The following COLGALT2 variants were observed in gnomAD, a reference collection of about 807,000 sequenced individuals.
COLGALT2 encodes the protein procollagen galactosyltransferase 2.
In COLGALT2, 49 loss-of-function variants were observed where a neutral mutation model predicts 73.4. That is an observed-to-expected ratio of 0.67 (90% CI 0.53 to 0.85). COLGALT2 has a LOEUF of 0.85. COLGALT2 is among the 40% of genes least tolerant of loss of function. The pLI, the probability that COLGALT2 is intolerant of heterozygous loss-of-function variation, is 0.00. For missense variants in COLGALT2, 722 were observed against 790.2 expected, an observed-to-expected ratio of 0.91 and a Z score of 1.03; for synonymous variants, 295 against 307.6, an observed-to-expected ratio of 0.96 and a Z score of 0.43.
intron 11 of COLGALT2, among the ~76,000 whole-genome samples, chr1:183,940,163 C>A (rs920051077): frequency 6.6e-5 from 10 of 152,132 alleles, no homozygotes; most frequent in African/African-American, 2.4e-4. Context: ...GGTTCCTGAC[C>A]AGATTGTGAG....
intron 6 of COLGALT2, among the ~76,000 whole-genome samples, chr1:183,955,905 C>CCCCAG (rs1442737532): frequency 6.6e-6 from 1 of 152,156 alleles, no homozygotes; most frequent in Non-Finnish European, 1.5e-5. Flanking sequence ...GGCTATATGA[C>CCCCAG]TTTCTGGGGA....
intron 5 of COLGALT2, among the ~76,000 whole-genome samples, chr1:183,966,850 A>T (rs1015523187): frequency 6.6e-6 from 1 of 152,182 alleles, no homozygotes; most frequent in African/African-American, 2.4e-5. Context: ...AGCCCTGCTC[A>T]CCAGCACACT....
intron 5 of COLGALT2, among the ~76,000 whole-genome samples, chr1:183,965,759 AAAG>A (rs1670849927): frequency 6.6e-6 from 1 of 151,002 alleles, no homozygotes; most frequent in Admixed American, 6.6e-5. Flanking sequence ...ACTAAGCAAA[AAAG>A]GCAATTATTA....
In COLGALT2 at chr1:183,975,231, A is replaced by G. The variant is rs114831015; in HGVS notation, c.375-17T>C. On this transcript the variant is annotated splice_polypyrimidine_tract_variant and intron_variant, in intron 2 of 11. Coordinates refer to ENST00000361927, the MANE Select transcript of COLGALT2 (RefSeq NM_015101.4). Reference sequence around the variant, plus strand: ...GGGTAAGACCTAAAATAATAATAATAGCTCATCATTATTGAGTGCCTACAT... The same window carrying G: ...GGGTAAGACCTAAAATAATAATAATGGCTCATCATTATTGAGTGCCTACAT... 1.9e-3 allele frequency: 2,923 copies of G among 1,504,658 alleles called. 57 individuals are homozygous for G. In the African/African-American group the frequency reaches 0.035, roughly 18 times the overall value. The allele number at this position is 1,504,658 out of a possible 1,614,324, so 93.2% of individuals were successfully genotyped here. A position where few individuals can be genotyped will look rare whatever the true frequency, so the allele number is the denominator to read the frequency against.
intron 1 of COLGALT2, among the ~76,000 whole-genome samples, chr1:183,985,451 T>C (rs940450771): frequency 6.6e-6 from 1 of 152,174 alleles, no homozygotes; most frequent in Non-Finnish European, 1.5e-5. Flanking sequence ...TTTGTATTTT[T>C]AGTAGAGATG....
At chr1:184,030,379 T>G (rs374024926) in intron 1 of COLGALT2, among the ~76,000 whole-genome samples, 1 of 152,222 alleles carries the variant, frequency 6.6e-6, no homozygotes, top group African/African-American at 2.4e-5. Context: ...ATAGGTGTAG[T>G]GGCCATACCA....
Position 183,937,137 on chromosome 1 carries a change from C to T in COLGALT2, c.*1624G>A. The T allele has an allele frequency of 2.4e-6, 3 of 1,229,466 alleles. No homozygotes were observed. The highest frequency in any genetic ancestry group is 3.2e-5 in the East Asian group (1 of 31,616). The allele number at this position is 1,229,466 out of a possible 1,614,324, so 76.2% of individuals were successfully genotyped here. ...GTACACTAAGCTTGTGTATGTAGCACCACCCGCCTGTGGACTCTGCTCTGA... is the reference window on the plus strand; with the variant it reads ...GTACACTAAGCTTGTGTATGTAGCATCACCCGCCTGTGGACTCTGCTCTGA... On this transcript the variant is annotated 3_prime_UTR_variant, in exon 12 of 12. Transcript: ENST00000361927.
intron 1 of COLGALT2, among the ~76,000 whole-genome samples, chr1:183,979,509 T>C (rs1368425078): frequency 6.6e-6 from 1 of 152,090 alleles, no homozygotes; most frequent in Non-Finnish European, 1.5e-5. Flanking sequence ...TTTCAAGCGA[T>C]AGATAGTAAA....
Position 184,037,464 on chromosome 1 carries a change from G to C in COLGALT2, c.-107C>G. 1 of 1,205,630 alleles carries C rather than the reference G, an allele frequency of 8.3e-7. No homozygotes were observed. Among genetic ancestry groups the C allele is most frequent in the Non-Finnish European group, 1.0e-6 (1 of 972,630 alleles). 74.7% of individuals were successfully genotyped at this position (1,205,630 alleles called of 1,614,324 possible). A position where few individuals can be genotyped will look rare whatever the true frequency, so the allele number is the denominator to read the frequency against. ...GAGCAAGGGGCTGCGAGGGGCGGCCGGGGGATGCGGCTTGCCGCGGCCGGC... is the reference window on the plus strand; with the variant it reads ...GAGCAAGGGGCTGCGAGGGGCGGCCCGGGGATGCGGCTTGCCGCGGCCGGC... On this transcript the variant is annotated 5_prime_UTR_variant, in exon 1 of 12. Transcript: ENST00000361927.
chr1:183,934,782 G>T (rs955219433), downstream of COLGALT2, among the ~76,000 whole-genome samples: 1 of 152,166 alleles, frequency 6.6e-6, no homozygotes, highest in Non-Finnish European at 1.5e-5. Context: ...AAAACCATAA[G>T]ATTCCCAAAT....
intron 1 of COLGALT2, among the ~76,000 whole-genome samples, chr1:184,006,623 TAAA>T (rs1553322151): frequency 6.6e-6 from 1 of 151,064 alleles, no homozygotes; most frequent in Non-Finnish European, 1.5e-5. Flanking sequence ...ATAATAATAA[TAAA>T]AAGATTATGA....
At chr1:184,002,805 A>T (rs1034163581) in intron 1 of COLGALT2, among the ~76,000 whole-genome samples, 2 of 152,218 alleles carry the variant, frequency 1.3e-5, no homozygotes, top group Non-Finnish European at 2.9e-5. Context: ...GATGCAAAAG[A>T]CTGGGCTTAA....
chr1:184,016,092 A>G (rs530989780), intron 1 of COLGALT2, among the ~76,000 whole-genome samples: 1 of 152,356 alleles, frequency 6.6e-6, no homozygotes, highest in South Asian at 2.1e-4. Context: ...ATGTGACAGA[A>G]TGAGTTTTTC....
intron 3 of COLGALT2, 56 bp from the exon 4 acceptor site, chr1:183,973,806 G>A: frequency 6.4e-7 from 1 of 1,554,420 alleles, no homozygotes. Context: ...TAATGAGTTT[G>A]AGAATAACCC....
chr1:183,969,179 G>GTT (rs10667502), intron 5 of COLGALT2, 90 bp downstream of exon 5: 358,096 of 1,019,394 alleles, frequency 0.35, 37,207 homozygotes, highest in East Asian at 0.5. Context: ...ACATATGAGG[G>GTT]TTTTTTTTTT....
chr1:183,983,515 A>G (rs1671408898), intron 1 of COLGALT2, among the ~76,000 whole-genome samples: 2 of 152,258 alleles, frequency 1.3e-5, no homozygotes, highest in African/African-American at 4.8e-5. Flanking sequence ...AGAGAGAGAT[A>G]CCAAAGGCCC....
intron 1 of COLGALT2, among the ~76,000 whole-genome samples, chr1:183,980,396 A>T (rs2986560): frequency 0.63 from 95,652 of 151,888 alleles, 32,106 homozygotes; most frequent in Non-Finnish European, 0.76. Context: ...GGAAACAAGA[A>T]GATTGATTTG....
chr1:183,931,579 G>A (rs1379372244), downstream of COLGALT2, among the ~76,000 whole-genome samples: 1 of 152,178 alleles, frequency 6.6e-6, no homozygotes, highest in Non-Finnish European at 1.5e-5. Flanking sequence ...AGGAGGAGCA[G>A]ATGGGACTGG....
chr1:184,032,159 G>T (rs1649534457), intron 1 of COLGALT2, among the ~76,000 whole-genome samples: 1 of 152,084 alleles, frequency 6.6e-6, no homozygotes, highest in Non-Finnish European at 1.5e-5. Context: ...CCCCCAAAGT[G>T]CTAGGATTAC....
Sources: gnomAD v4.1 joint callset for allele counts (sites outside exome capture counted in the v4.1 genomes callset) on GRCh38, gnomAD v4.1.1 for gene constraint, MANE v1.5 for transcripts, NCBI Gene and HGNC (gene_info 2026-07-23, HGNC 2026-07-21) for gene names.